Variants in OPHN1 observed in about 807,000 individuals in gnomAD.
The protein encoded by OPHN1 is oligophrenin 1, also known as oligophrenin-1.
A neutral mutation model predicts 60.7 loss-of-function variants in OPHN1; 11 were observed. The observed-to-expected ratio is 0.18, with a 90% CI of 0.11 to 0.30. The LOEUF is 0.30. Among genes scored for constraint, OPHN1 ranks in the 10% least tolerant of loss-of-function variants. OPHN1 has a pLI of 1.00. For synonymous variants in OPHN1, 226 were observed against 222.6 expected, an observed-to-expected ratio of 1.02 and a Z score of -0.14; for missense variants, 449 against 611.0, an observed-to-expected ratio of 0.73 and a Z score of 2.80.
chrX:68,429,919 C>G (rs1312854440), intron 2 of OPHN1, among the ~76,000 whole-genome samples: 1 of 111,092 alleles, frequency 9.0e-6, no homozygotes, highest in Non-Finnish European at 1.9e-5. Flanking sequence ...CCTGTAGTCC[C>G]AGCTACTCGG....
chrX:68,301,561 A>G (rs1163106407), intron 2 of OPHN1, among the ~76,000 whole-genome samples: 2 of 111,431 alleles, frequency 1.8e-5, no homozygotes, highest in African/African-American at 6.5e-5. Flanking sequence ...AAAGACTCAT[A>G]TATTTTAGAT....
chrX:68,124,546 A>G (rs2077162358), intron 15 of OPHN1, among the ~76,000 whole-genome samples: 1 of 111,879 alleles, frequency 8.9e-6, no homozygotes, highest in Non-Finnish European at 1.9e-5. Flanking sequence ...CTATGGACCA[A>G]ATGGATCTAG....
chrX:68,247,255 G>A (rs970031642), intron 5 of OPHN1, among the ~76,000 whole-genome samples: 1 of 111,202 alleles, frequency 9.0e-6, no homozygotes, highest in Non-Finnish European at 1.9e-5. Context: ...CTGTGTACAC[G>A]ATCATATTAT....
chrX:68,084,744 G>T (rs1051325606), intron 19 of OPHN1, among the ~76,000 whole-genome samples: 4 of 111,535 alleles, frequency 3.6e-5, no homozygotes, highest in Non-Finnish European at 7.5e-5. Flanking sequence ...TTGTCCACAT[G>T]CCCTGTCTCC....
At chrX:68,400,275 T>C (rs1324638184) in intron 2 of OPHN1, among the ~76,000 whole-genome samples, 2 of 111,737 alleles carry the variant, frequency 1.8e-5, no homozygotes, top group African/African-American at 6.5e-5. Context: ...TTTCTTTGCT[T>C]TGCAGGGCGT....
chrX:68,231,453 G>A (rs911683953), intron 6 of OPHN1, among the ~76,000 whole-genome samples: 9 of 111,438 alleles, frequency 8.1e-5, no homozygotes, highest in African/African-American at 2.9e-4. Context: ...ATTTGGTATT[G>A]ACTCAAACAA....
chrX:68,301,390 G>A (rs763147295), intron 2 of OPHN1, among the ~76,000 whole-genome samples: 4 of 99,732 alleles, frequency 4.0e-5, no homozygotes, highest in Non-Finnish European at 7.9e-5. Flanking sequence ...AGGTTGCAGC[G>A]AGCCGAGATC....
At chrX:68,268,989 T>G (rs778676719) in intron 5 of OPHN1, among the ~76,000 whole-genome samples, 18 of 111,549 alleles carry the variant, frequency 1.6e-4, no homozygotes, top group African/African-American at 4.6e-4. Flanking sequence ...CATTCACAAT[T>G]GCTTCAAAGA....
chrX:68,113,121 T>C, intron 17 of OPHN1, 60 bp downstream of exon 17: 1 of 1,005,489 alleles, frequency 9.9e-7, no homozygotes, highest in Non-Finnish European at 1.4e-6. Context: ...TTTCTAGGCT[T>C]ATTGCAGTAA....
intron 8 of OPHN1, among the ~76,000 whole-genome samples, chrX:68,211,585 T>C (rs2077584816): frequency 8.9e-6 from 1 of 112,316 alleles, no homozygotes; most frequent in Non-Finnish European, 1.9e-5. Flanking sequence ...TAAAGGAATA[T>C]ATGTGAAAAG....
At chrX:68,169,122 C>G (rs1468575583) in intron 15 of OPHN1, among the ~76,000 whole-genome samples, 1 of 111,320 alleles carries the variant, frequency 9.0e-6, no homozygotes, top group Non-Finnish European at 1.9e-5. Context: ...CACAAGCATT[C>G]TTATACACCA....
At chrX:68,260,823 TGGGTG>T (rs2077889553) in intron 5 of OPHN1, among the ~76,000 whole-genome samples, 1 of 111,431 alleles carries the variant, frequency 9.0e-6, no homozygotes, top group African/African-American at 3.3e-5. Context: ...GATCTATCAA[TGGGTG>T]GTTTGCTGAT....
intron 2 of OPHN1, among the ~76,000 whole-genome samples, chrX:68,304,573 C>T (rs745658769): frequency 1.2e-3 from 129 of 110,431 alleles, no homozygotes; most frequent in Non-Finnish European, 2.2e-3. Flanking sequence ...AAATGTATTG[C>T]GAATATTCTT....
chrX:68,254,850 C>G (rs949364520), intron 5 of OPHN1, among the ~76,000 whole-genome samples: 2 of 109,128 alleles, frequency 1.8e-5, no homozygotes, highest in African/African-American at 6.7e-5. Context: ...AACCCCGTCT[C>G]TGCCAAAAAA....
At chrX:68,271,037 A>C (rs1042238641) in intron 5 of OPHN1, among the ~76,000 whole-genome samples, 4 of 111,591 alleles carry the variant, frequency 3.6e-5, no homozygotes, top group Non-Finnish European at 7.5e-5. Flanking sequence ...TAAGGGCCTA[A>C]TATAGCACCT....
intron 19 of OPHN1, among the ~76,000 whole-genome samples, chrX:68,094,362 C>T (rs980785333): frequency 3.6e-5 from 4 of 111,586 alleles, no homozygotes; most frequent in African/African-American, 1.3e-4. Flanking sequence ...TTAATACCTA[C>T]CTCCAGTTTA....
intron 2 of OPHN1, among the ~76,000 whole-genome samples, chrX:68,428,147 C>T (rs906558012): frequency 1.8e-5 from 2 of 111,847 alleles, no homozygotes; most frequent in African/African-American, 6.5e-5. Flanking sequence ...GTAGGATAAG[C>T]AGGGCCTTTA....
At chrX:68,055,252 C>T in intron 21 of OPHN1, among the ~76,000 whole-genome samples, 1 of 112,052 alleles carries the variant, frequency 8.9e-6, no homozygotes, top group Admixed American at 9.5e-5. Flanking sequence ...GGTTGTAGGA[C>T]CCTAGACAGG....
intron 5 of OPHN1, among the ~76,000 whole-genome samples, chrX:68,264,997 C>T (rs937144192): frequency 5.3e-5 from 6 of 112,517 alleles, no homozygotes; most frequent in Non-Finnish European, 9.4e-5. Flanking sequence ...CCCGCCATTG[C>T]CCCTATGCTT....
Sources: allele counts gnomAD v4.1 joint callset (sites outside exome capture counted in the v4.1 genomes callset), GRCh38; gene constraint gnomAD v4.1.1; transcripts MANE v1.5; gene names NCBI Gene and HGNC (gene_info 2026-07-23, HGNC 2026-07-21).